The following DNM3 variants were observed in gnomAD, a reference collection of about 807,000 sequenced individuals.
The protein encoded by DNM3 is dynamin 3, also known as dynamin-3.
A neutral mutation model predicts 101.6 loss-of-function variants in DNM3; 47 were observed. The ratio of observed to expected loss-of-function variants is 0.46; its 90% confidence interval spans 0.37 to 0.59. The LOEUF (loss-of-function observed/expected upper bound fraction) is 0.59, where lower values mean the gene tolerates loss of function less well. Among genes scored for constraint, DNM3 ranks in the 20% least tolerant of loss-of-function variants. DNM3 has a pLI of 0.00. For missense variants in DNM3, 849 were observed against 1,085.7 expected (o/e 0.78, Z 3.06); for synonymous variants, 385 against 387.9 (o/e 0.99, Z 0.09).
chr1:172,057,728 C>T (rs992812801), intron 10 of DNM3, among the ~76,000 whole-genome samples: 110 of 151,760 alleles, frequency 7.2e-4, no homozygotes, highest in African/African-American at 1.5e-3. Flanking sequence ...CGGTACCAGC[C>T]GCTGCAAAAT....
chr1:172,096,505 C>CA (rs1210158645), intron 13 of DNM3, among the ~76,000 whole-genome samples: 1 of 152,036 alleles, frequency 6.6e-6, no homozygotes, highest in Admixed American at 6.6e-5. Flanking sequence ...AGGAAGAATC[C>CA]AAAAAATCTG....
intron 11 of DNM3, among the ~76,000 whole-genome samples, chr1:172,069,179 A>G (rs2051954955): frequency 6.6e-6 from 1 of 152,202 alleles, no homozygotes; most frequent in Non-Finnish European, 1.5e-5. Flanking sequence ...TTTTTTCTCA[A>G]TGCTCCATGG....
At chr1:172,132,773 T>A in intron 14 of DNM3, 1 of 639,008 alleles carries the variant, frequency 1.6e-6, no homozygotes, top group Admixed American at 2.6e-5. Context: ...AATTAACTCA[T>A]TTAACCATAT....
intron 14 of DNM3, among the ~76,000 whole-genome samples, chr1:172,244,694 G>A (rs2061882844): frequency 2.0e-5 from 3 of 152,112 alleles, no homozygotes; most frequent in African/African-American, 7.2e-5. Flanking sequence ...TCATTAAAAA[G>A]TCAGGAAACA....
chr1:172,181,006 G>A (rs2059324460), intron 14 of DNM3, among the ~76,000 whole-genome samples: 1 of 152,068 alleles, frequency 6.6e-6, no homozygotes, highest in Admixed American at 6.6e-5. Flanking sequence ...CTTACCAAGT[G>A]CCGCCACTCC....
chr1:172,405,859 A>G (rs2070845464), intron 20 of DNM3, among the ~76,000 whole-genome samples: 1 of 151,620 alleles, frequency 6.6e-6, no homozygotes, highest in African/African-American at 2.4e-5. Flanking sequence ...AGAGTCACCA[A>G]GGATCTCAAT....
intron 20 of DNM3, among the ~76,000 whole-genome samples, chr1:172,404,690 C>G (rs533399300): frequency 1.6e-4 from 24 of 152,046 alleles, no homozygotes; most frequent in Non-Finnish European, 3.4e-4. Context: ...TTATATGCAG[C>G]AGTTACAATC....
At chr1:172,360,598 A>T (rs1483555681) in intron 17 of DNM3, among the ~76,000 whole-genome samples, 1 of 152,018 alleles carries the variant, frequency 6.6e-6, no homozygotes, top group African/African-American at 2.4e-5. Context: ...AGCCCCTGCA[A>T]GGGTCTAACA....
intron 10 of DNM3, among the ~76,000 whole-genome samples, chr1:172,055,235 G>A (rs2050509255): frequency 2.0e-5 from 3 of 152,026 alleles, no homozygotes; most frequent in African/African-American, 7.2e-5. Context: ...TTATTTAGCA[G>A]GCCAAGGAAA....
At chr1:172,286,525 A>T (rs1437282834) in intron 15 of DNM3, among the ~76,000 whole-genome samples, 1 of 152,196 alleles carries the variant, frequency 6.6e-6, no homozygotes. Context: ...TTGTCCCCCT[A>T]TGGGAAAATA....
At chr1:171,886,460 A>G (rs114776645) in intron 1 of DNM3, among the ~76,000 whole-genome samples, 1,677 of 152,314 alleles carry the variant, frequency 0.011, 34 homozygotes, top group African/African-American at 0.039. Flanking sequence ...AACACAAAAA[A>G]CAAGGGGATA....
intron 2 of DNM3, among the ~76,000 whole-genome samples, chr1:171,951,969 A>G (rs2042556386): frequency 6.6e-6 from 1 of 152,218 alleles, no homozygotes; most frequent in Admixed American, 6.5e-5. Context: ...TTGGGGTGTT[A>G]CAGGTCATAG....
At chr1:171,849,202 A>T (rs2032605376) in intron 1 of DNM3, among the ~76,000 whole-genome samples, 1 of 152,218 alleles carries the variant, frequency 6.6e-6, no homozygotes, top group African/African-American at 2.4e-5. Context: ...GTATTTGAAG[A>T]GGAGTCATCA....
intron 16 of DNM3, among the ~76,000 whole-genome samples, chr1:172,315,754 G>A (rs1208021341): frequency 6.6e-6 from 1 of 152,144 alleles, no homozygotes; most frequent in Non-Finnish European, 1.5e-5. Context: ...GACCAAATCT[G>A]CGTCTGATTG....
chr1:172,279,191 A>G (rs1025461392), intron 15 of DNM3, among the ~76,000 whole-genome samples: 2 of 152,184 alleles, frequency 1.3e-5, no homozygotes, highest in African/African-American at 4.8e-5. Context: ...GTTCCTTTTA[A>G]TACACAGATT....
intron 2 of DNM3, among the ~76,000 whole-genome samples, chr1:171,964,122 C>A (rs1433320297): frequency 1.3e-5 from 2 of 152,084 alleles, no homozygotes; most frequent in Non-Finnish European, 2.9e-5. Flanking sequence ...AAATATATTT[C>A]TTTGACATAT....
intron 14 of DNM3, among the ~76,000 whole-genome samples, chr1:172,146,015 G>A (rs1371691506): frequency 2.0e-5 from 3 of 152,052 alleles, no homozygotes; most frequent in Non-Finnish European, 4.4e-5. Flanking sequence ...AGCTAGAGTC[G>A]CCTCAAACAA....
intron 14 of DNM3, among the ~76,000 whole-genome samples, chr1:172,246,821 G>T (rs536422284): frequency 6.6e-6 from 1 of 152,088 alleles, no homozygotes; most frequent in East Asian, 1.9e-4. Context: ...AATATATGGA[G>T]CCATCACATT....
intron 15 of DNM3, among the ~76,000 whole-genome samples, chr1:172,288,847 GC>G (rs1280826535): frequency 6.6e-6 from 1 of 152,124 alleles, no homozygotes; most frequent in African/African-American, 2.4e-5. Context: ...GAGATGTCTG[GC>G]ATTTATTAGC....
Sources: gnomAD v4.1 joint callset for allele counts (sites outside exome capture counted in the v4.1 genomes callset) on GRCh38, gnomAD v4.1.1 for gene constraint, MANE v1.5 for transcripts, NCBI Gene and HGNC (gene_info 2026-07-23, HGNC 2026-07-21) for gene names.